Variants in DYNC1I2 observed in about 807,000 individuals in gnomAD.
DYNC1I2 encodes the protein dynein cytoplasmic 1 intermediate chain 2.
DYNC1I2 carries 53 observed loss-of-function variants against 88.6 expected under a neutral mutation model. The observed-to-expected ratio is 0.60, with a 90% CI of 0.48 to 0.75. The LOEUF is 0.75. Among genes scored for constraint, DYNC1I2 ranks in the 30% least tolerant of loss-of-function variants. The probability of loss-of-function intolerance (pLI) is 0.00; values close to 1 mark genes in which losing one functional copy is unlikely to be tolerated. For missense variants in DYNC1I2, 458 were observed against 766.6 expected (o/e 0.60, Z 4.75); for synonymous variants, 198 against 254.6 (o/e 0.78, Z 2.12).
chr2:171,732,097 C>T (rs2105721235), intron 15 of DYNC1I2, among the ~76,000 whole-genome samples: 1 of 152,336 alleles, frequency 6.6e-6, no homozygotes, highest in South Asian at 2.1e-4. Flanking sequence ...GGCAGGGTGG[C>T]TTACGCCTGT....
intron 3 of DYNC1I2, among the ~76,000 whole-genome samples, chr2:171,699,591 A>AGTGTGT (rs3223500): frequency 0.061 from 8,345 of 137,688 alleles, 270 homozygotes; most frequent in East Asian, 0.068. Flanking sequence ...CATCATTTGG[A>AGTGTGT]GTGTGTGTGT....
chr2:171,725,908 T>G lies in DYNC1I2; in HGVS notation c.608-11T>G, dbSNP rs1266732492. On this transcript the variant is annotated splice_polypyrimidine_tract_variant and intron_variant, in intron 8 of 17. Coordinates refer to ENST00000397119, the MANE Select transcript of DYNC1I2 (RefSeq NM_001378.3). ...CATAAATCATACTTCAAAAAATTAT[T>G]TATTTTCCAGCTCCCCCTCATGAGC... 6.4e-7 allele frequency: 1 copy of G among 1,559,084 alleles called. No individual in the cohort carries two copies. Among genetic ancestry groups the G allele is most frequent in the Non-Finnish European group, 8.6e-7 (1 of 1,161,790 alleles).
intron 16 of DYNC1I2, among the ~76,000 whole-genome samples, chr2:171,745,257 C>G (rs1368235836): frequency 2.0e-5 from 3 of 152,124 alleles, no homozygotes; most frequent in African/African-American, 7.2e-5. Context: ...TGTGTTGGTG[C>G]CATCATCCTG....
In DYNC1I2 at chr2:171,732,267, G is replaced by A. The variant is rs372614006; in HGVS notation, c.1536+2414G>A. On this transcript the variant is annotated intron_variant, in intron 15 of 17. Transcript: ENST00000397119. ...ATTCCTAGCTACTCGGGAGGCTGAG[G>A]CAGGAGAATCACTTGAACCCAGCAG... 5.9e-5 allele frequency among the ~76,000 whole-genome samples: 9 copies of A among 152,178 alleles called. No homozygotes were observed. The East Asian group carries it at 1.7e-3, about 29-fold the overall frequency.
chr2:171,688,456 A>T (rs765576493), intron 1 of DYNC1I2: 5 of 152,176 alleles, frequency 3.3e-5, no homozygotes, highest in Non-Finnish European at 5.9e-5. Flanking sequence ...TAGTGTTGGT[A>T]TATCTGTTTT....
intron 7 of DYNC1I2, among the ~76,000 whole-genome samples, chr2:171,721,334 T>C (rs1687889375): frequency 6.6e-6 from 1 of 151,986 alleles, no homozygotes; most frequent in Admixed American, 6.6e-5. Context: ...TTATTCTAGA[T>C]GGTGTAAAAA....
intron 3 of DYNC1I2, 104 bp from the exon 4 acceptor site, chr2:171,706,443 A>G (rs1312787183): frequency 2.2e-6 from 2 of 909,342 alleles, no homozygotes; most frequent in Non-Finnish European, 3.5e-6. Context: ...GATCTAGGGG[A>G]AAGCACTTGC....
At chr2:171,718,492 G>A (rs1429873139) in intron 7 of DYNC1I2, among the ~76,000 whole-genome samples, 1 of 151,570 alleles carries the variant, frequency 6.6e-6, no homozygotes, top group East Asian at 1.9e-4. Flanking sequence ...GGAGTGCAGT[G>A]GCACGATCTT....
In DYNC1I2 at chr2:171,744,099, T is replaced by A; in HGVS notation, c.1587T>A (p.Asp529Glu). Residue 529 changes from aspartate to glutamate, a missense_variant, in exon 16 of 18, where the codon GAT (aspartate) becomes GAA (glutamate). This residue lies in a region of DYNC1I2 where 188 missense variants were observed against 300.4 expected (regional missense o/e 0.63). Transcript: ENST00000397119. Reference sequence around the variant, plus strand: ...AAGATAATGCAGACTATGTTTATGATGTTATGTGGTCACCTACCCACCCAG... The same window carrying A: ...AAGATAATGCAGACTATGTTTATGAAGTTATGTGGTCACCTACCCACCCAG... ...SFEDNADYVY[D>E]VMWSPTHPAL... is the part of the protein sequence containing the mutation. 2 of 1,613,094 alleles carry A rather than the reference T, an allele frequency of 1.2e-6. No homozygotes were observed. The highest frequency in any genetic ancestry group is 1.1e-5 in the South Asian group (1 of 90,812).
chr2:171,696,765 T>C (rs560961935), intron 3 of DYNC1I2, among the ~76,000 whole-genome samples: 7 of 152,270 alleles, frequency 4.6e-5, no homozygotes, highest in South Asian at 2.1e-4. Flanking sequence ...CTGGGCTCTC[T>C]ATTTTCACTA....
intron 15 of DYNC1I2, among the ~76,000 whole-genome samples, chr2:171,737,884 T>C (rs1689123907): frequency 6.6e-6 from 1 of 152,154 alleles, no homozygotes; most frequent in African/African-American, 2.4e-5. Context: ...CGGGGGTTTG[T>C]TGTACAGATT....
chr2:171,723,652 T>C (rs2105665054), intron 7 of DYNC1I2, among the ~76,000 whole-genome samples: 1 of 152,332 alleles, frequency 6.6e-6, no homozygotes, highest in East Asian at 1.9e-4. Flanking sequence ...CTCTATGTGA[T>C]TATTTTGCCC....
intron 1 of DYNC1I2, among the ~76,000 whole-genome samples, chr2:171,688,861 T>G (rs1685171936): frequency 6.6e-6 from 1 of 152,226 alleles, no homozygotes; most frequent in South Asian, 2.1e-4. Context: ...CCAGAGGTTA[T>G]TCTCCTAGTT....
intron 2 of DYNC1I2, 106 bp downstream of exon 2, chr2:171,690,369 A>G: frequency 1.4e-6 from 1 of 733,444 alleles, no homozygotes; most frequent in Non-Finnish European, 2.2e-6. Flanking sequence ...TCGTGGTTAA[A>G]AGTAATGGCA....
rs564604564 is a variant in DYNC1I2 at position 171,750,075 on chromosome 2, G to A, written c.*2186G>A. Among the ~76,000 whole-genome samples, 7 of 152,112 alleles carry A rather than the reference G, an allele frequency of 4.6e-5. No individual in the cohort carries two copies. In the South Asian group the frequency reaches 1.5e-3, roughly 32 times the overall value. On this transcript the variant is annotated 3_prime_UTR_variant, in exon 18 of 18. Coordinates refer to ENST00000397119, the MANE Select transcript of DYNC1I2 (RefSeq NM_001378.3). ...TTGTTTGGTTTTTGTCTTTTTGAGTGGAACGTTAAAGTTTATTACCTTCAT... is the reference window on the plus strand; with the variant it reads ...TTGTTTGGTTTTTGTCTTTTTGAGTAGAACGTTAAAGTTTATTACCTTCAT...
chr2:171,687,781 G>A (rs1325544975), intron 1 of DYNC1I2, 154 bp downstream of exon 1: 1 of 152,730 alleles, frequency 6.5e-6, no homozygotes, highest in African/African-American at 2.4e-5. Flanking sequence ...CGCGGAGCTG[G>A]TGGTGGCTAC....
At chr2:171,742,352 T>C (rs934337454) in intron 15 of DYNC1I2, among the ~76,000 whole-genome samples, 2 of 151,990 alleles carry the variant, frequency 1.3e-5, no homozygotes, top group Admixed American at 1.3e-4. Context: ...TTTGTATTTT[T>C]TGTGGAGATG....
chr2:171,707,598 T>G (rs919313893), intron 5 of DYNC1I2, among the ~76,000 whole-genome samples: 1 of 152,118 alleles, frequency 6.6e-6, no homozygotes, highest in Non-Finnish European at 1.5e-5. Context: ...AACTTAGTAC[T>G]AAATAGTCAA....
chr2:171,700,235 G>C (rs1237645014), intron 3 of DYNC1I2, among the ~76,000 whole-genome samples: 1 of 152,152 alleles, frequency 6.6e-6, no homozygotes, highest in African/African-American at 2.4e-5. Context: ...GGATCTACTT[G>C]AGTATCCTGG....
Sources: gnomAD v4.1 joint callset for allele counts (sites outside exome capture counted in the v4.1 genomes callset) on GRCh38, gnomAD v4.1.1 for gene constraint, gnomAD v4.1.1 regional missense constraint, MANE v1.5 for transcripts, NCBI Gene and HGNC (gene_info 2026-07-23, HGNC 2026-07-21) for gene names.